TTLL5: variants seen among roughly 807,000 people sequenced by gnomAD.
TTLL5 encodes tubulin polyglutamylase TTLL5.
Under a neutral mutation model 168.4 loss-of-function variants are expected in TTLL5, and 132 were observed. The observed-to-expected ratio is 0.78, with a 90% CI of 0.68 to 0.91. The LOEUF (loss-of-function observed/expected upper bound fraction) is 0.91, where lower values mean the gene tolerates loss of function less well. Ranked by LOEUF, TTLL5 falls within the 40% of genes least tolerant of loss-of-function variation. The probability of loss-of-function intolerance (pLI) is 0.00; values close to 1 mark genes in which losing one functional copy is unlikely to be tolerated. For synonymous variants in TTLL5, 546 were observed against 558.6 expected, an observed-to-expected ratio of 0.98 and a Z score of 0.32; for missense variants, 1,545 against 1,581.5, an observed-to-expected ratio of 0.98 and a Z score of 0.39.
intron 31 of TTLL5, among the ~76,000 whole-genome samples, chr14:75,922,279 G>A (rs1177118642): frequency 1.3e-5 from 2 of 152,156 alleles, no homozygotes; most frequent in African/African-American, 2.4e-5. Context: ...TTGAATAGGA[G>A]TGGTGAGAGA....
chr14:75,811,716 G>A (rs1894053529), intron 27 of TTLL5, among the ~76,000 whole-genome samples: 1 of 152,168 alleles, frequency 6.6e-6, no homozygotes, highest in Admixed American at 6.5e-5. Context: ...AAGCATTCGG[G>A]ACTGCAGCAT....
rs774935644 is a variant in TTLL5 at position 75,820,066 on chromosome 14, A to C, written c.3231A>C (p.Pro1077=). Residue 1077 remains proline (P), a synonymous_variant, in exon 28 of 32, where the codon CCA becomes CCC. Coordinates refer to ENST00000298832, the MANE Select transcript of TTLL5 (RefSeq NM_015072.5). ...ACAGAAGCAGTGCTTCAGCTCCCCC[A>C]ACCCTCCGACCCATCATCAGTCCTA... is the stretch of plus-strand genomic sequence containing the variant. ...IINRSSASAP[P]TLRPIISPSG... 1 of 1,608,298 alleles carries C rather than the reference A, an allele frequency of 6.2e-7. No individual in the cohort carries two copies. Among genetic ancestry groups the C allele is most frequent in the South Asian group, 1.1e-5 (1 of 90,000 alleles).
chr14:75,774,083 G>A (rs1318454226), intron 21 of TTLL5, among the ~76,000 whole-genome samples: 1 of 151,578 alleles, frequency 6.6e-6, no homozygotes, highest in Non-Finnish European at 1.5e-5. Flanking sequence ...GTTGGCCTCT[G>A]TGTTCCAGCT....
At chr14:75,777,753 T>G (rs1208382609) in intron 23 of TTLL5, among the ~76,000 whole-genome samples, 1 of 152,008 alleles carries the variant, frequency 6.6e-6, no homozygotes, top group Non-Finnish European at 1.5e-5. Context: ...TTAAATGAGG[T>G]AGGGGTAGGA....
chr14:75,914,052 A>ATATATATATATATT (rs1304496430), intron 31 of TTLL5, among the ~76,000 whole-genome samples: 1 of 122,376 alleles, frequency 8.2e-6, no homozygotes, highest in Admixed American at 9.0e-5. Context: ...ATATATATAT[A>ATATATATATATATT]TATTTTATCC....
chr14:75,726,379 A>G (rs971879042), intron 12 of TTLL5, among the ~76,000 whole-genome samples: 4 of 152,154 alleles, frequency 2.6e-5, no homozygotes, highest in Non-Finnish European at 4.4e-5. Context: ...TGTCTTTCTC[A>G]AAAACTATGC....
chr14:75,886,132 G>GT (rs1472918837), intron 30 of TTLL5, among the ~76,000 whole-genome samples: 1 of 152,184 alleles, frequency 6.6e-6, no homozygotes, highest in African/African-American at 2.4e-5. Flanking sequence ...CAAGCCCTGT[G>GT]TTTTTGGGTT....
rs374729551 is a variant in TTLL5, at chr14:75,717,876, A to T, written c.756A>T (p.Arg252=). ...CTTCTATCAGGTTTGCAACTGTGCG[A>T]TATGATCAAGGAGCCAAGAACATTC... ...EEGLARFATV[R]YDQGAKNIRN... is the part of the protein sequence containing the mutation. The change falls in exon 10 of 32, where the codon CGA becomes CGT. Residue 252 remains arginine, a synonymous_variant. Transcript: ENST00000298832. 1 of 1,613,796 alleles carries T rather than the reference A, an allele frequency of 6.2e-7. No homozygotes were observed. Among genetic ancestry groups the T allele is most frequent in the South Asian group, 1.1e-5 (1 of 91,078 alleles).
intron 9 of TTLL5, chr14:75,712,268 T>C (rs1887137146): frequency 6.6e-6 from 1 of 151,912 alleles, no homozygotes; most frequent in African/African-American, 2.4e-5. Flanking sequence ...AGGTGCTGTC[T>C]CTTCATTGTC....
chr14:75,930,948 A>G (rs2140167928), intron 31 of TTLL5, among the ~76,000 whole-genome samples: 1 of 152,260 alleles, frequency 6.6e-6, no homozygotes, highest in South Asian at 2.1e-4. Flanking sequence ...CTACCGCTCT[A>G]GCTGTTCCTT....
intron 20 of TTLL5, among the ~76,000 whole-genome samples, chr14:75,768,230 C>T (rs951622914): frequency 6.6e-6 from 1 of 152,134 alleles, no homozygotes; most frequent in African/African-American, 2.4e-5. Flanking sequence ...GCAGTTAGAG[C>T]AATAGACATA....
chr14:75,694,834 C>T (rs528354624), intron 6 of TTLL5, among the ~76,000 whole-genome samples: 3 of 152,322 alleles, frequency 2.0e-5, no homozygotes, highest in African/African-American at 7.2e-5. Context: ...CTAATCAATA[C>T]TCTTGTGATT....
rs1201862659 is a variant in TTLL5 at position 75,914,017 on chromosome 14, G to GAAAAAAAAAAAA, written c.3823+11799_3823+11810dup. 9.0e-4 allele frequency among the ~76,000 whole-genome samples: 28 copies of GAAAAAAAAAAAA among 31,028 alleles called. 1 individual carries two copies. The highest frequency in any genetic ancestry group is 2.8e-3 in the Admixed American group (5 of 1,814). 20.4% of individuals were successfully genotyped at this position (31,028 alleles called of 152,430 possible). A position where few individuals can be genotyped will look rare whatever the true frequency, so the allele number is the denominator to read the frequency against. ...GCGACAGAGGAAGACTGTTTAAAAG[G>GAAAAAAAAAAAA]AAAAAAAAAAAAAAAAATATATATA... On this transcript the variant is annotated intron_variant, in intron 31 of 31. Coordinates refer to ENST00000298832, the MANE Select transcript of TTLL5 (RefSeq NM_015072.5).
In TTLL5 at chr14:75,874,073, ATTCT is replaced by A. The variant is rs566063649; in HGVS notation, c.3523-8609_3523-8606del. On this transcript the variant is annotated intron_variant, in intron 29 of 31. Transcript: ENST00000298832. ...TGATTAATACCATGATTAAATGGTT[ATTCT>A]TTATTTATTTATTTATTTATTTATT... 2.8e-3 allele frequency among the ~76,000 whole-genome samples: 318 copies of A among 112,914 alleles called. 1 individual carries two copies. The highest frequency in any genetic ancestry group is 1.0e-2 in the African/African-American group (271 of 27,110). 74.1% of individuals were successfully genotyped at this position (112,914 alleles called of 152,430 possible).
chr14:75,726,012 C>A (rs1161626324), intron 12 of TTLL5, among the ~76,000 whole-genome samples: 1 of 152,154 alleles, frequency 6.6e-6, no homozygotes, highest in Non-Finnish European at 1.5e-5. Flanking sequence ...TTCCTTCATA[C>A]AATAGCATTT....
intron 28 of TTLL5, among the ~76,000 whole-genome samples, chr14:75,840,274 A>G (rs1455757102): frequency 6.6e-6 from 1 of 152,140 alleles, no homozygotes; most frequent in Non-Finnish European, 1.5e-5. Flanking sequence ...CATATGCAGA[A>G]CGTGCAGGTT....
Position 75,766,266 on chromosome 14 carries a change from G to T in TTLL5, c.1913G>T (p.Arg638Leu), listed in dbSNP as rs1399888208. 1.2e-6 allele frequency: 2 copies of T among 1,614,028 alleles called. No individual in the cohort carries two copies. The highest frequency in any genetic ancestry group is 2.2e-5 in the South Asian group (2 of 91,078). ...CCCAAAGAAAATTCCATGAAAGTTC[G>T]TGAATGGAATAATAAAGGTGGACAC... ...NTPKENSMKVREWNNKGGHCC... is the reference protein window; with the variant it reads ...NTPKENSMKVLEWNNKGGHCC... The change falls in exon 20 of 32, where the codon CGT becomes CTT. Residue 638 changes from arginine to leucine, a missense_variant. Arg to Leu is a moderately radical substitution (Grantham distance 102). Transcript: ENST00000298832.
intron 3 of TTLL5, among the ~76,000 whole-genome samples, chr14:75,678,902 C>T (rs1479154682): frequency 6.6e-6 from 1 of 152,120 alleles, no homozygotes; most frequent in Non-Finnish European, 1.5e-5. Flanking sequence ...GTATGCGTGT[C>T]CTATTCCCTA....
At chr14:75,669,652 C>T in intron 3 of TTLL5, 130 bp downstream of exon 3, 1 of 566,216 alleles carries the variant, frequency 1.8e-6, no homozygotes, top group Non-Finnish European at 2.9e-6. Flanking sequence ...AGTTGTTATA[C>T]TTCAAACATT....
Sources: gnomAD v4.1 joint callset for allele counts (sites outside exome capture counted in the v4.1 genomes callset) on GRCh38, gnomAD v4.1.1 for gene constraint, MANE v1.5 for transcripts, NCBI Gene and HGNC (gene_info 2026-07-23, HGNC 2026-07-21) for gene names.